KISS1R: variants seen among roughly 807,000 people sequenced by gnomAD.
KISS1R encodes kiSS-1 receptor.
Under a neutral mutation model 22.0 loss-of-function variants are expected in KISS1R, and 19 were observed. That is an observed-to-expected ratio of 0.86 (90% confidence interval 0.60 to 1.26). KISS1R has a LOEUF of 1.26. KISS1R is among the 50% of genes most tolerant of loss of function. KISS1R has a pLI of 0.00. For synonymous variants in KISS1R, 302 were observed against 283.9 expected, an observed-to-expected ratio of 1.06 and a Z score of -0.64; for missense variants, 653 against 581.9, an observed-to-expected ratio of 1.12 and a Z score of -1.26.
At position 917,446 on chromosome 19, in the gene KISS1R, G is replaced by A; in HGVS notation, c.-57G>A. On this transcript the variant is annotated 5_prime_UTR_variant, in exon 1 of 5. Coordinates refer to ENST00000234371, the MANE Select transcript of KISS1R (RefSeq NM_032551.5). ...GGGCGGTCGGGCGGAGGGGTCCCCGGGGCGGTGCCAGGGCGCAATCCTGGA... is the reference window on the plus strand; with the variant it reads ...GGGCGGTCGGGCGGAGGGGTCCCCGAGGCGGTGCCAGGGCGCAATCCTGGA... 7.2e-7 allele frequency: 1 copy of A among 1,386,382 alleles called. No homozygotes were observed. 85.9% of individuals were successfully genotyped at this position (1,386,382 alleles called of 1,614,324 possible). A position where few individuals can be genotyped will look rare whatever the true frequency, so the allele number is the denominator to read the frequency against.
At chr19:919,423 G>A in intron 2 of KISS1R, 67 bp from the exon 3 acceptor site, 1 of 1,532,754 alleles carries the variant, frequency 6.5e-7, no homozygotes, top group Non-Finnish European at 8.7e-7. Context: ...GGGATCAGCA[G>A]GGCGGGCGGA....
In KISS1R at chr19:918,633, G is replaced by A. The variant is rs765722564; in HGVS notation, c.334G>A (p.Asp112Asn). The A allele has an allele frequency of 1.9e-6, 3 of 1,550,996 alleles. No individual in the cohort carries two copies. Among genetic ancestry groups the A allele is most frequent in the East Asian group, 2.4e-5 (1 of 40,970 alleles). Residue 112 changes from aspartate (D) to asparagine (N), a missense_variant, in exon 2 of 5, where the codon GAC (aspartate) becomes AAC (asparagine). Asp to Asn is a conservative substitution (Grantham distance 23, BLOSUM62 1). Transcript: ENST00000234371. Reference protein sequence around the residue: ...LYPLPGWVLGDFMCKFVNYIQ... With the variant: ...LYPLPGWVLGNFMCKFVNYIQ... ...CCCGCTGCCCGGCTGGGTGCTGGGC[G>A]ACTTCATGTGCAAGTTCGTCAACTA...
Position 917,373 on chromosome 19 carries a change from T to TGCGGACCCC in KISS1R, c.-129_-121dup. On this transcript the variant is annotated 5_prime_UTR_variant, in exon 1 of 5. Transcript: ENST00000234371. ...CCCAGCACAGCTGCCCTCTGGACCC[T>TGCGGACCCC]GCGGACCCCAGCCGAGCCCCTTCCT... 8.7e-7 allele frequency: 1 copy of TGCGGACCCC among 1,149,346 alleles called. No homozygotes were observed. The highest frequency in any genetic ancestry group is 1.1e-6 in the Non-Finnish European group (1 of 874,466). 71.2% of individuals were successfully genotyped at this position (1,149,346 alleles called of 1,614,324 possible).
chr19:920,092 GA>G lies in KISS1R; in HGVS notation c.725del (p.Asp242ValfsTer77), dbSNP rs1568348369. 3 of 1,513,612 alleles carry G rather than the reference GA, an allele frequency of 2.0e-6. No homozygotes were observed. Among genetic ancestry groups the G allele is most frequent in the Admixed American group, 2.1e-5 (1 of 48,162 alleles). The allele number at this position is 1,513,612 out of a possible 1,614,324, so 93.8% of individuals were successfully genotyped here. On this transcript the variant is annotated frameshift_variant, in exon 4 of 5. Transcript: ENST00000234371. LOFTEE classifies it low-confidence loss of function (END_TRUNC). Reference sequence around the variant, plus strand: ...GGTCGCCGTGCGCCCCGCGCCCGCCGATAGCGCCCTGCAGGTGCGCGGCGTG... The same window carrying G: ...GGTCGCCGTGCGCCCCGCGCCCGCCGTAGCGCCCTGCAGGTGCGCGGCGTG... ...GRVAVRPAPA[D>X]SALQGQVLAE...
At chr19:920,267 C>T (rs1264040840) in intron 4 of KISS1R, 23 bp from the exon 5 acceptor site, 9 of 1,564,358 alleles carry the variant, frequency 5.8e-6, no homozygotes, top group Non-Finnish European at 6.9e-6. Flanking sequence ...TTTCGTCTAA[C>T]CACCTTCACG....
At chr19:919,704 C>T in intron 3 of KISS1R, 79 bp downstream of exon 3, 2 of 1,529,734 alleles carry the variant, frequency 1.3e-6, no homozygotes, top group South Asian at 1.2e-5. Context: ...CCTGCCGCCT[C>T]GGTCCAGCAT....
rs974648871 is a variant in KISS1R, at chr19:918,411, A to T, written c.245-133A>T. On this transcript the variant is annotated intron_variant, in intron 1 of 4. Coordinates refer to ENST00000234371, the MANE Select transcript of KISS1R (RefSeq NM_032551.5). ...CCGAGGAGGCCAGGGGCGCTGGGGG[A>T]GGGGGGGGCCTCCCTGAGCCATCCT... is the stretch of plus-strand genomic sequence containing the variant. The T allele has an allele frequency of 1.1e-4, 10 of 93,166 alleles. 1 individual carries two copies. Among genetic ancestry groups the T allele is most frequent in the South Asian group, 5.7e-4 (4 of 7,002 alleles). 5.8% of individuals were successfully genotyped at this position (93,166 alleles called of 1,614,324 possible). A position where few individuals can be genotyped will look rare whatever the true frequency, so the allele number is the denominator to read the frequency against.
intron 2 of KISS1R, 148 bp from the exon 3 acceptor site, chr19:919,342 C>T (rs2037091930): frequency 1.7e-6 from 2 of 1,169,474 alleles, no homozygotes; most frequent in Admixed American, 2.0e-5. Context: ...ACCTTCTGTC[C>T]CCTCAACCCG....
intron 1 of KISS1R, 23 bp downstream of exon 1, chr19:917,769 AC>A: frequency 6.3e-7 from 1 of 1,587,146 alleles, no homozygotes; most frequent in Middle Eastern, 1.8e-4. Flanking sequence ...GCTGCGCCGC[AC>A]CTGCTGCCGT....
Position 920,874 on chromosome 19 carries a change from T to G in KISS1R, c.*126T>G, listed in dbSNP as rs1311151893. ...ACTGTGGAAATATTTTGGTCTCTTG[T>G]GACGTTCGGTGCAGTTTCGTTGTGA... On this transcript the variant is annotated 3_prime_UTR_variant, in exon 5 of 5. Transcript: ENST00000234371. 3.7e-6 allele frequency: 4 copies of G among 1,090,236 alleles called. No homozygotes were observed. The African/African-American group carries it at 6.5e-5, about 18-fold the overall frequency. 67.5% of individuals were successfully genotyped at this position (1,090,236 alleles called of 1,614,324 possible).
At chr19:919,219 C>T (rs2037090423) in intron 2 of KISS1R, among the ~76,000 whole-genome samples, 1 of 151,950 alleles carries the variant, frequency 6.6e-6, no homozygotes, top group Non-Finnish European at 1.5e-5. Flanking sequence ...GCTTCTTGCC[C>T]CGCCTGTCCC....
chr19:918,428 A>C, intron 1 of KISS1R, 116 bp from the exon 2 acceptor site: 1 of 1,220,196 alleles, frequency 8.2e-7, no homozygotes, highest in Non-Finnish European at 1.1e-6. Context: ...GGCCTCCCTG[A>C]GCCATCCTGC....
intron 4 of KISS1R, 82 bp from the exon 5 acceptor site, chr19:920,208 G>C: frequency 6.6e-7 from 1 of 1,519,422 alleles, no homozygotes; most frequent in Non-Finnish European, 8.8e-7. Context: ...ACAGCCCAAG[G>C]GGTCCAGGAG....
chr19:917,836 C>T (rs753516811), intron 1 of KISS1R, 90 bp downstream of exon 1: 3 of 1,426,090 alleles, frequency 2.1e-6, no homozygotes, highest in Non-Finnish European at 2.8e-6. Context: ...CGCATCGGGG[C>T]CCTCTCGGAC....
intron 3 of KISS1R, 63 bp downstream of exon 3, chr19:919,688 G>A (rs2037097648): frequency 3.3e-6 from 5 of 1,535,246 alleles, no homozygotes; most frequent in Non-Finnish European, 4.4e-6. Flanking sequence ...TGGGCGCCCG[G>A]AGCCACCTGC....
rs756986700 is a variant in KISS1R, at chr19:917,549, C to T, written c.47C>T (p.Pro16Leu). ...GGACCCAACGCGTCCTGGGGGGCAC[C>T]GGCCAACGCCTCCGGCTGCCCGGGC... ...TSGPNASWGAPANASGCPGCG... is the reference protein window; with the variant it reads ...TSGPNASWGALANASGCPGCG... Residue 16 changes from proline (P) to leucine (L), a missense_variant, in exon 1 of 5, where the codon CCG becomes CTG. Pro to Leu is a moderately conservative substitution (Grantham distance 98). Coordinates refer to ENST00000234371, the MANE Select transcript of KISS1R (RefSeq NM_032551.5). The T allele has an allele frequency of 6.2e-5, 94 of 1,520,542 alleles. No homozygotes were observed. In the Middle Eastern group the frequency reaches 4.4e-3, roughly 70 times the overall value. The allele number at this position is 1,520,542 out of a possible 1,614,324, so 94.2% of individuals were successfully genotyped here.
rs188719607 is a variant in KISS1R, at chr19:918,910, G to A, written c.369+242G>A. ...GAGGGGAGGGGGCGCATGGTGGGGCGGGGCAGGGGTGCACTCTGGAGCAGG... is the reference window on the plus strand; with the variant it reads ...GAGGGGAGGGGGCGCATGGTGGGGCAGGGCAGGGGTGCACTCTGGAGCAGG... On this transcript the variant is annotated intron_variant, in intron 2 of 4. Coordinates refer to ENST00000234371, the MANE Select transcript of KISS1R (RefSeq NM_032551.5). 0.012 allele frequency among the ~76,000 whole-genome samples: 1,589 copies of A among 131,418 alleles called. 46 individuals are homozygous for A. The highest frequency in any genetic ancestry group is 0.044 in the African/African-American group (1,494 of 33,966). 86.2% of individuals were successfully genotyped at this position (131,418 alleles called of 152,430 possible). A position where few individuals can be genotyped will look rare whatever the true frequency, so the allele number is the denominator to read the frequency against.
rs920438991 is a variant in KISS1R, at chr19:917,345, G to T, written c.-158G>T. ...CAGCGGCGCCGGCAGAGGAGCCGCCGAGCCCAGCACAGCTGCCCTCTGGAC... is the reference window on the plus strand; with the variant it reads ...CAGCGGCGCCGGCAGAGGAGCCGCCTAGCCCAGCACAGCTGCCCTCTGGAC... On this transcript the variant is annotated 5_prime_UTR_variant, in exon 1 of 5. Coordinates refer to ENST00000234371, the MANE Select transcript of KISS1R (RefSeq NM_032551.5). 7 of 836,654 alleles carry T rather than the reference G, an allele frequency of 8.4e-6. No homozygotes were observed. The South Asian group carries it at 2.2e-4, about 27-fold the overall frequency. The allele number at this position is 836,654 out of a possible 1,614,324, so 51.8% of individuals were successfully genotyped here. A position where few individuals can be genotyped will look rare whatever the true frequency, so the allele number is the denominator to read the frequency against.
intron 2 of KISS1R, among the ~76,000 whole-genome samples, 174 bp downstream of exon 2, chr19:918,842 A>G (rs1208765169): frequency 6.6e-5 from 4 of 60,180 alleles, no homozygotes; most frequent in Non-Finnish European, 9.2e-5. Flanking sequence ...GCAGGAGGGG[A>G]GGGAGCGCAC....
Sources: allele counts gnomAD v4.1 joint callset (sites outside exome capture counted in the v4.1 genomes callset), GRCh38; gene constraint gnomAD v4.1.1; transcripts MANE v1.5; gene names NCBI Gene and HGNC (gene_info 2026-07-23, HGNC 2026-07-21).